The following CTBP2 variants were observed in gnomAD, a reference collection of about 807,000 sequenced individuals.
CTBP2 encodes C-terminal binding protein 2.
In CTBP2, 30 loss-of-function variants were observed where a neutral mutation model predicts 80.3. The ratio of observed to expected loss-of-function variants is 0.37; its 90% CI spans 0.28 to 0.51. The LOEUF (loss-of-function observed/expected upper bound fraction) is 0.51, where lower values mean the gene tolerates loss of function less well. CTBP2 is among the 20% of genes least tolerant of loss of function. The pLI is 0.93. For missense variants in CTBP2, 1,212 were observed against 1,375.3 expected (o/e 0.88, Z 1.88); for synonymous variants, 594 against 587.4 (o/e 1.01, Z -0.16).
intron 2 of CTBP2, among the ~76,000 whole-genome samples, chr10:125,085,418 A>C (rs2135601551): frequency 6.6e-6 from 1 of 152,342 alleles, no homozygotes; most frequent in East Asian, 1.9e-4. Flanking sequence ...ACAATGAAAG[A>C]AAGCTCTGCG....
chr10:125,126,458 G>C (rs1225432326), intron 1 of CTBP2, among the ~76,000 whole-genome samples: 1 of 152,158 alleles, frequency 6.6e-6, no homozygotes, highest in East Asian at 1.9e-4. Context: ...GTATGGATAG[G>C]AAGCACCAGA....
intron 2 of CTBP2, among the ~76,000 whole-genome samples, chr10:125,094,422 C>T (rs565390696): frequency 7.2e-5 from 11 of 152,330 alleles, no homozygotes; most frequent in African/African-American, 1.7e-4. Context: ...CGGACGCAAT[C>T]GCTAGAACAC....
chr10:125,061,043 A>T (rs1430098126), intron 2 of CTBP2, among the ~76,000 whole-genome samples: 1 of 152,108 alleles, frequency 6.6e-6, no homozygotes, highest in Non-Finnish European at 1.5e-5. Context: ...CTCAATGCTG[A>T]ACTCTCCCAG....
rs773506784 is a variant in CTBP2 at position 125,003,114 on chromosome 10, A to G, written c.1834-10T>C. 1 of 1,613,634 alleles carries G rather than the reference A, an allele frequency of 6.2e-7. No homozygotes were observed. The highest frequency in any genetic ancestry group is 8.5e-7 in the Non-Finnish European group (1 of 1,179,990). On this transcript the variant is annotated splice_polypyrimidine_tract_variant and intron_variant, in intron 2 of 8. Coordinates refer to ENST00000309035, the MANE Select transcript of CTBP2 (RefSeq NM_022802.3). ...CGGCTTCGTTTAGAACCTGCGTGGG[A>G]ACAGAGCACAGGGTCGGAGCCCCAC...
At chr10:125,002,845 A>G (rs1954713849) in intron 3 of CTBP2, 115 bp downstream of exon 5, 2 of 1,338,928 alleles carry the variant, frequency 1.5e-6, no homozygotes, top group Non-Finnish European at 2.0e-6. Context: ...CCACCTTGCT[A>G]CAGCCAGAAG....
intron 2 of CTBP2, among the ~76,000 whole-genome samples, chr10:125,039,766 C>T (rs1413724858): frequency 1.3e-5 from 2 of 152,266 alleles, no homozygotes; most frequent in Admixed American, 6.5e-5. Context: ...ACCTTCCTTG[C>T]AGCTGGAGGG....
At chr10:125,151,692 A>G (rs1053090325) in intron 1 of CTBP2, among the ~76,000 whole-genome samples, 2 of 152,180 alleles carry the variant, frequency 1.3e-5, no homozygotes, top group Non-Finnish European at 2.9e-5. Context: ...GGCCTGGTGC[A>G]ACCAGGTCCC....
intron 2 of CTBP2, among the ~76,000 whole-genome samples, chr10:125,080,042 G>A (rs71488647): frequency 0.063 from 9,527 of 152,204 alleles, 311 homozygotes; most frequent in East Asian, 0.097. Context: ...CAAATAAAAC[G>A]TTCCTCCAAG....
At position 125,026,991 on chromosome 10, in the gene CTBP2, A is replaced by G. The variant is rs1957677385; in HGVS notation, c.769T>C (p.Tyr257His). ...GGGATGCTTTCCCGGGCAGGCCCGT[A>G]GCCACGATTCAGGGCCCCTGGGGCC... The change falls in exon 1 of 9, where the codon TAC becomes CAC. Residue 257 changes from tyrosine to histidine, a missense_variant. Tyr to His is a moderately conservative substitution (Grantham distance 83). Transcript: ENST00000309035. 1.2e-6 allele frequency: 2 copies of G among 1,613,842 alleles called. No individual in the cohort carries two copies. The highest frequency in any genetic ancestry group is 2.7e-5 in the African/African-American group (2 of 74,938).
chr10:125,087,906 C>T (rs1564888953), intron 2 of CTBP2, among the ~76,000 whole-genome samples: 1 of 152,232 alleles, frequency 6.6e-6, no homozygotes, highest in African/African-American at 2.4e-5. Flanking sequence ...CCGGTTGCCT[C>T]CCCATTTCCT....
At chr10:125,073,996 A>G (rs1320172926) in intron 2 of CTBP2, among the ~76,000 whole-genome samples, 1 of 152,164 alleles carries the variant, frequency 6.6e-6, no homozygotes, top group East Asian at 1.9e-4. Flanking sequence ...GGATGTTCTC[A>G]GTACCTGTTC....
At chr10:125,138,871 G>C (rs1857362353) in intron 1 of CTBP2, among the ~76,000 whole-genome samples, 1 of 152,146 alleles carries the variant, frequency 6.6e-6, no homozygotes, top group Non-Finnish European at 1.5e-5. Context: ...TCGGCTAACT[G>C]TGCAAAGGAA....
intron 1 of CTBP2, among the ~76,000 whole-genome samples, chr10:125,126,114 G>A (rs868431360): frequency 6.6e-6 from 1 of 152,188 alleles, no homozygotes; most frequent in Non-Finnish European, 1.5e-5. Flanking sequence ...GCAGTGCAGC[G>A]GTGGCCTGGG....
At position 124,997,946 on chromosome 10, in the gene CTBP2, G is replaced by C; in HGVS notation, c.2185+18C>G. On this transcript the variant is annotated intron_variant, in intron 4 of 8. Coordinates refer to ENST00000309035, the MANE Select transcript of CTBP2 (RefSeq NM_022802.3). ...AGTGTCGGAGGGGTTGGGGGTCAGC[G>C]CAGAGGGTGGCACGTACCAAAGCCA... The C allele has an allele frequency of 6.2e-7, 1 of 1,605,826 alleles. No homozygotes were observed.
Position 124,985,212 on chromosome 10 carries a change from T to C in CTBP2, c.*4306A>G, listed in dbSNP as rs776033027. The C allele has an allele frequency of 3.3e-5, 15 of 455,818 alleles. No homozygotes were observed. Among genetic ancestry groups the C allele is most frequent in the Non-Finnish European group, 5.0e-5 (13 of 258,466 alleles). 28.2% of individuals were successfully genotyped at this position (455,818 alleles called of 1,614,324 possible). A position where few individuals can be genotyped will look rare whatever the true frequency, so the allele number is the denominator to read the frequency against. The stretch of plus-strand genomic sequence containing the variant: ...TTGGACTACAGTTTGTAAAAAAAAC[T>C]AATTTTATTAAGACAGAACTTTTTT... On this transcript the variant is annotated 3_prime_UTR_variant, in exon 9 of 9. Transcript: ENST00000309035.
chr10:125,152,312 GC>G (rs1278511907), intron 1 of CTBP2, among the ~76,000 whole-genome samples: 3 of 152,168 alleles, frequency 2.0e-5, no homozygotes, highest in Non-Finnish European at 4.4e-5. Flanking sequence ...TCCGGGAAAT[GC>G]AGGAGACCCC....
chr10:125,050,999 A>G (rs1962614436), intron 2 of CTBP2, among the ~76,000 whole-genome samples: 1 of 152,240 alleles, frequency 6.6e-6, no homozygotes, highest in Admixed American at 6.5e-5. Context: ...GGAGAATTAC[A>G]GCTCATCGTG....
rs1035984763 is a variant in CTBP2, at chr10:125,040,515, C to T, written c.-101-1360G>A. Among the ~76,000 whole-genome samples the T allele has an allele frequency of 4.7e-5, 7 of 147,874 alleles. No individual in the cohort carries two copies. The East Asian group carries it at 1.4e-3, about 29-fold the overall frequency. ...CTCAACTGGGAAACAACATTTAAGG[C>T]CCACTCTATTGTCTTCTGTATTTTT... On this transcript the variant is annotated intron_variant, in intron 2 of 10. Coordinates refer to the CTBP2 transcript ENST00000337195.
At chr10:125,041,870 T>C (rs1243950258) in intron 2 of CTBP2, among the ~76,000 whole-genome samples, 6 of 150,760 alleles carry the variant, frequency 4.0e-5, no homozygotes, top group Non-Finnish European at 8.8e-5. Flanking sequence ...AGAATCTCAA[T>C]CATGCAATCA....
Sources: gnomAD v4.1 joint callset for allele counts (sites outside exome capture counted in the v4.1 genomes callset) on GRCh38, gnomAD v4.1.1 for gene constraint, MANE v1.5 for transcripts, NCBI Gene and HGNC (gene_info 2026-07-23, HGNC 2026-07-21) for gene names.